The following PCDHA1 variants were observed in gnomAD, a reference collection of about 807,000 sequenced individuals.
PCDHA1 encodes protocadherin alpha-1.
Under a neutral mutation model 61.3 loss-of-function variants are expected in PCDHA1, and 42 were observed. The observed-to-expected ratio is 0.69, with a 90% CI of 0.54 to 0.89. PCDHA1 has a LOEUF of 0.89. PCDHA1 is among the 40% of genes least tolerant of loss of function. The pLI, the probability that PCDHA1 is intolerant of heterozygous loss-of-function variation, is 0.00. For synonymous variants in PCDHA1, 610 were observed against 553.8 expected, an observed-to-expected ratio of 1.10 and a Z score of -1.43; for missense variants, 1,256 against 1,235.3, an observed-to-expected ratio of 1.02 and a Z score of -0.25.
Position 141,011,113 on chromosome 5 carries a change from GAAAC to G in PCDHA1, c.*1179_*1182del, listed in dbSNP as rs1378492452. 6.5e-6 allele frequency: 1 copy of G among 153,504 alleles called. No homozygotes were observed. The highest frequency in any genetic ancestry group is 2.4e-5 in the African/African-American group (1 of 41,342). 9.5% of individuals were successfully genotyped at this position (153,504 alleles called of 1,614,324 possible). A position where few individuals can be genotyped will look rare whatever the true frequency, so the allele number is the denominator to read the frequency against. ...TTCTCTCTCTCTCTCTCTTTTCTAA[GAAAC>G]AATTATGTGCACTTTGATACACAAC... On this transcript the variant is annotated 3_prime_UTR_variant, in exon 4 of 4. Coordinates refer to ENST00000504120, the MANE Select transcript of PCDHA1 (RefSeq NM_018900.4).
intron 1 of PCDHA1, chr5:140,863,473 C>A (rs966575223): frequency 6.2e-6 from 3 of 487,660 alleles, no homozygotes; most frequent in South Asian, 1.6e-5. Flanking sequence ...TCTGGAGAGT[C>A]GCCTCCCAAG....
intron 1 of PCDHA1, among the ~76,000 whole-genome samples, chr5:140,911,440 A>C (rs151200639): frequency 6.6e-5 from 10 of 152,168 alleles, no homozygotes; most frequent in African/African-American, 1.7e-4. Context: ...ATTTCCCGCA[A>C]TTTCAGCTCT....
chr5:140,936,714 C>G (rs2091106727), intron 1 of PCDHA1, among the ~76,000 whole-genome samples: 1 of 152,198 alleles, frequency 6.6e-6, no homozygotes, highest in African/African-American at 2.4e-5. Context: ...TGTGCCAATA[C>G]ATTCTGTGTT....
intron 1 of PCDHA1, chr5:140,805,129 A>G (rs1763514845): frequency 6.3e-7 from 1 of 1,580,766 alleles, no homozygotes; most frequent in East Asian, 2.2e-5. Flanking sequence ...CTTGGCAAAG[A>G]CATTTTGAAG....
At chr5:140,849,750 T>G in intron 1 of PCDHA1, 1 of 1,598,370 alleles carries the variant, frequency 6.3e-7, no homozygotes, top group Admixed American at 1.7e-5. Context: ...CGAGAGTGTG[T>G]CCGCCTACGA....
At chr5:140,842,868 A>T in intron 1 of PCDHA1, 1 of 1,593,968 alleles carries the variant, frequency 6.3e-7, no homozygotes, top group Non-Finnish European at 8.6e-7. Flanking sequence ...GAGAGCGGCA[A>T]GGTGTACGCG....
chr5:140,976,449 G>T (rs1554237649), intron 1 of PCDHA1, among the ~76,000 whole-genome samples: 1 of 152,136 alleles, frequency 6.6e-6, no homozygotes, highest in Non-Finnish European at 1.5e-5. Flanking sequence ...TACTAGGGAG[G>T]CTGGGGAAGA....
At chr5:140,837,369 AT>A (rs1376058835) in intron 1 of PCDHA1, among the ~76,000 whole-genome samples, 1 of 151,978 alleles carries the variant, frequency 6.6e-6, no homozygotes, top group Non-Finnish European at 1.5e-5. Context: ...GTTTAATAGT[AT>A]TTTTTATTTT....
At chr5:140,919,262 G>A (rs1482345606) in intron 1 of PCDHA1, among the ~76,000 whole-genome samples, 2 of 152,142 alleles carry the variant, frequency 1.3e-5, no homozygotes, top group African/African-American at 4.8e-5. Context: ...TCTGATATTA[G>A]TGTAGTCACT....
chr5:141,001,825 CAG>C (rs1244261427), intron 3 of PCDHA1, among the ~76,000 whole-genome samples: 1 of 151,674 alleles, frequency 6.6e-6, no homozygotes, highest in Non-Finnish European at 1.5e-5. Flanking sequence ...CAAATTCTGA[CAG>C]AGAGGGAGAC....
rs782421802 is a variant in PCDHA1, at chr5:140,862,804, C to T, written c.2394+74120C>T. The T allele has an allele frequency of 7.0e-6, 4 of 574,030 alleles. No individual in the cohort carries two copies. The African/African-American group carries it at 7.9e-5, about 11-fold the overall frequency. The allele number at this position is 574,030 out of a possible 1,614,324, so 35.6% of individuals were successfully genotyped here. On this transcript the variant is annotated intron_variant, in intron 1 of 3. Coordinates refer to ENST00000504120, the MANE Select transcript of PCDHA1 (RefSeq NM_018900.4). ...ACTGGACTACGAGGAGCTGGAGCTG[C>T]TGCAGTTCTAGGTGAGAGCGCGCGA...
intron 1 of PCDHA1, among the ~76,000 whole-genome samples, chr5:140,897,659 G>A: frequency 6.6e-6 from 1 of 152,230 alleles, no homozygotes; most frequent in South Asian, 2.1e-4. Flanking sequence ...ACGTGTGCAT[G>A]TGTCTTTATA....
chr5:140,969,998 G>A (rs1345371434), intron 1 of PCDHA1, among the ~76,000 whole-genome samples: 2 of 152,220 alleles, frequency 1.3e-5, no homozygotes, highest in Non-Finnish European at 2.9e-5. Flanking sequence ...GGCTGTCAGA[G>A]GGAGTGGATG....
chr5:140,886,317 G>A (rs1323122893), intron 1 of PCDHA1, among the ~76,000 whole-genome samples: 2 of 151,612 alleles, frequency 1.3e-5, no homozygotes, highest in Non-Finnish European at 2.9e-5. Context: ...TACACTTTAA[G>A]TTCTGGGATA....
rs1761317936 is a variant in PCDHA1, at chr5:140,786,580, AGTG to A, written c.292_294del (p.Trp98del). 6.2e-7 allele frequency: 1 copy of A among 1,614,132 alleles called. No individual in the cohort carries two copies. Among genetic ancestry groups the A allele is most frequent in the African/African-American group, 1.3e-5 (1 of 74,956 alleles). On this transcript the variant is annotated inframe_deletion, in exon 1 of 4. Coordinates refer to ENST00000504120, the MANE Select transcript of PCDHA1 (RefSeq NM_018900.4). ...CGGATCGATCGCGAGGAGCTGTGCC[AGTG>A]GAGCGCGGAGTGCAGCATCCACCTG... is the stretch of plus-strand genomic sequence containing the variant.
intron 3 of PCDHA1, among the ~76,000 whole-genome samples, chr5:140,992,490 G>A (rs2097515419): frequency 6.6e-6 from 1 of 152,196 alleles, no homozygotes; most frequent in Non-Finnish European, 1.5e-5. Flanking sequence ...AGGCCAATCT[G>A]TAAGGATTCA....
chr5:140,990,172 TGA>T (rs1341832599), intron 3 of PCDHA1, among the ~76,000 whole-genome samples: 1 of 152,022 alleles, frequency 6.6e-6, no homozygotes, highest in Non-Finnish European at 1.5e-5. Context: ...TATGAAAAGG[TGA>T]CTTTTAAGAA....
intron 1 of PCDHA1, among the ~76,000 whole-genome samples, chr5:140,901,492 C>T (rs548353886): frequency 1.3e-5 from 2 of 152,234 alleles, no homozygotes; most frequent in South Asian, 2.1e-4. Flanking sequence ...GCACCTTCAT[C>T]GAAAATGAGT....
intron 1 of PCDHA1, chr5:140,835,598 T>C (rs2150239108): frequency 2.1e-5 from 34 of 1,613,804 alleles, no homozygotes; most frequent in African/African-American, 4.0e-5. Flanking sequence ...AGAATTACTA[T>C]TCATTGGTGC....
Sources: allele counts gnomAD v4.1 joint callset (sites outside exome capture counted in the v4.1 genomes callset), GRCh38; gene constraint gnomAD v4.1.1; transcripts MANE v1.5; gene names NCBI Gene and HGNC (gene_info 2026-07-23, HGNC 2026-07-21).